The following DBN1 variants were observed in gnomAD, a reference collection of about 807,000 sequenced individuals.
DBN1 encodes drebrin 1.
In DBN1, 21 loss-of-function variants were observed where a neutral mutation model predicts 83.5. That is an observed-to-expected ratio of 0.25 (90% CI 0.18 to 0.36). DBN1 has a LOEUF of 0.36. Among genes scored for constraint, DBN1 ranks in the 10% least tolerant of loss-of-function variants. The pLI is 1.00. For missense variants in DBN1, 874 were observed against 935.7 expected, an observed-to-expected ratio of 0.93 and a Z score of 0.86; for synonymous variants, 381 against 384.9, an observed-to-expected ratio of 0.99 and a Z score of 0.12.
chr5:177,472,098 C>A (rs1757886353), intron 1 of DBN1: 1 of 1,598,834 alleles, frequency 6.3e-7, no homozygotes, highest in African/African-American at 1.4e-5. Context: ...TGAGCCTGTG[C>A]CGGCCTCTCC....
chr5:177,460,711 C>G lies in DBN1; in HGVS notation c.772-8G>C, dbSNP rs767952528. 1.2e-6 allele frequency: 2 copies of G among 1,613,648 alleles called. No individual in the cohort carries two copies. The highest frequency in any genetic ancestry group is 8.5e-7 in the Non-Finnish European group (1 of 1,179,886). ...CTCATCCCGATGGTCACCCTAGAAA[C>G]CAAAGGGACAGTGTCTGGTGCACCT... On this transcript the variant is annotated splice_polypyrimidine_tract_variant and splice_region_variant and intron_variant, in intron 8 of 14. Transcript: ENST00000393565.
In DBN1 at chr5:177,467,700, G is replaced by C; in HGVS notation, c.330+43C>G. 6.4e-7 allele frequency: 1 copy of C among 1,553,068 alleles called. No homozygotes were observed. Among genetic ancestry groups the C allele is most frequent in the Non-Finnish European group, 8.7e-7 (1 of 1,148,162 alleles). On this transcript the variant is annotated intron_variant, in intron 4 of 14. Transcript: ENST00000393565. This position sits in a 1 kb window ranked among gnomAD's most constrained non-coding sequence, Gnocchi z 9.1. ...TCCCCACCCCAGCACGCAGACCCTG[G>C]TGGCTGTCCCCACCCCCAAGAGCGC... is the stretch of plus-strand genomic sequence containing the variant.
At chr5:177,468,478 C>G (rs1479955939) in intron 2 of DBN1, 1 of 553,704 alleles carries the variant, frequency 1.8e-6, no homozygotes, top group African/African-American at 1.9e-5. Flanking sequence ...ACACTCAGGT[C>G]TCATTCTTCA....
intron 8 of DBN1, chr5:177,462,405 G>C (rs1260761190): frequency 1.0e-6 from 1 of 985,342 alleles, no homozygotes; most frequent in Non-Finnish European, 1.2e-6. Context: ...CTGCTTCCTG[G>C]GGAAGGACCT....
intron 12 of DBN1, 86 bp downstream of exon 12, chr5:177,459,012 C>A: frequency 5.2e-6 from 8 of 1,530,990 alleles, no homozygotes; most frequent in African/African-American, 1.4e-5. Flanking sequence ...GCCCAGATCC[C>A]TGGAGAACGG....
rs1430963683 is a variant in DBN1, at chr5:177,467,729, C to A, written c.330+14G>T. ...CTGTCCCCACCCCCAAGAGCGCTGG[C>A]CCCTGACACGCACCTGGAAGAACTC... On this transcript the variant is annotated intron_variant, in intron 4 of 14. Transcript: ENST00000393565. This position sits in a 1 kb window ranked among gnomAD's most constrained non-coding sequence, Gnocchi z 9.1. 6.4e-7 allele frequency: 1 copy of A among 1,552,632 alleles called. No individual in the cohort carries two copies. The highest frequency in any genetic ancestry group is 1.2e-5 in the South Asian group (1 of 84,354).
rs753400993 is a variant in DBN1 at position 177,467,069 on chromosome 5, GC to G, written c.556-8del. ...TCCGCAGCTCTTCTTCCTTCTGCAA[GC>G]CCCGGTGCGAACAAGGGTAGGCCCC... On this transcript the variant is annotated splice_polypyrimidine_tract_variant and splice_region_variant and intron_variant, in intron 6 of 14. Transcript: ENST00000393565. The surrounding 1 kb of genome is among the most constrained non-coding windows in gnomAD (Gnocchi z 9.1). 7 of 1,613,522 alleles carry G rather than the reference GC, an allele frequency of 4.3e-6. 1 individual carries two copies. The South Asian group carries it at 7.7e-5, about 18-fold the overall frequency.
intron 1 of DBN1, chr5:177,472,684 G>A (rs1277222817): frequency 4.6e-6 from 3 of 654,346 alleles, no homozygotes; most frequent in African/African-American, 4.0e-5. Flanking sequence ...CTTCCTCCCA[G>A]GGATCTCAGC....
At chr5:177,472,119 C>G (rs756635604) in intron 1 of DBN1, 1 of 1,608,422 alleles carries the variant, frequency 6.2e-7, no homozygotes, top group Non-Finnish European at 8.5e-7. Flanking sequence ...TGTGACTGAC[C>G]TGCAGGACAC....
chr5:177,472,547 G>A (rs761868830), intron 1 of DBN1: 5 of 615,718 alleles, frequency 8.1e-6, no homozygotes, highest in Non-Finnish European at 1.1e-5. Flanking sequence ...AACAGCTGGG[G>A]GGCGGGGTGA....
At chr5:177,468,626 A>G (rs1383250843) in intron 2 of DBN1, 2 of 427,406 alleles carry the variant, frequency 4.7e-6, no homozygotes, top group Non-Finnish European at 4.1e-6. Context: ...TCCCTGTTGG[A>G]GGCTCAGCCT....
At position 177,463,182 on chromosome 5, in the gene DBN1, G is replaced by A. The variant is rs185090079; in HGVS notation, c.772-2479C>T. 1.4e-3 allele frequency among the ~76,000 whole-genome samples: 214 copies of A among 152,196 alleles called. 1 individual carries two copies. The highest frequency in any genetic ancestry group is 4.3e-3 in the African/African-American group (177 of 41,510). On this transcript the variant is annotated intron_variant, in intron 8 of 14. Coordinates refer to ENST00000393565, the MANE Select transcript of DBN1 (RefSeq NM_001363541.2). ...CTCCCGAGTAGCTGGGACTACAGGC[G>A]CCCGCCACCACGCTCGGCTAATTTC... is the stretch of plus-strand genomic sequence containing the variant.
Position 177,466,710 on chromosome 5 carries a change from G to C in DBN1, c.771+62C>G. On this transcript the variant is annotated intron_variant, in intron 8 of 14. Coordinates refer to ENST00000393565, the MANE Select transcript of DBN1 (RefSeq NM_001363541.2). This position sits in a 1 kb window ranked among gnomAD's most constrained non-coding sequence, Gnocchi z 4.8. ...CCACTGATCTCCCCACAAGGCCCAG[G>C]AACACAGGGACCATTCTCACTTCCC... 1.3e-6 allele frequency: 2 copies of C among 1,581,284 alleles called. No individual in the cohort carries two copies. Among genetic ancestry groups the C allele is most frequent in the South Asian group, 2.2e-5 (2 of 90,384 alleles).
At chr5:177,469,537 C>T (rs1757700043) in intron 1 of DBN1, among the ~76,000 whole-genome samples, 1 of 152,210 alleles carries the variant, frequency 6.6e-6, no homozygotes, top group Non-Finnish European at 1.5e-5. Context: ...AGACTCTGGC[C>T]CCGGGGTGGC....
At chr5:177,464,134 A>AAAATAAAT (rs769085289) in intron 8 of DBN1, among the ~76,000 whole-genome samples, 6 of 151,028 alleles carry the variant, frequency 4.0e-5, no homozygotes, top group African/African-American at 9.7e-5. Flanking sequence ...TAAATAAATA[A>AAAATAAAT]AAATAAATAA....
intron 1 of DBN1, 31 bp from the exon 2 acceptor site, chr5:177,468,930 G>T: frequency 7.7e-7 from 1 of 1,305,868 alleles, no homozygotes; most frequent in Middle Eastern, 2.0e-4. Context: ...CTGTCAAACT[G>T]TCAGGGCCCA....
intron 2 of DBN1, 86 bp from the exon 3 acceptor site, chr5:177,468,306 A>T: frequency 8.8e-7 from 1 of 1,139,074 alleles, no homozygotes; most frequent in Admixed American, 1.8e-5. Context: ...AGACTCCTCC[A>T]GGCCTCCACA....
rs1471374206 is a variant in DBN1 at position 177,459,143 on chromosome 5, A to T, written c.1219T>A (p.Ser407Thr). The change falls in exon 12 of 15, where the codon TCC becomes ACC. Residue 407 changes from serine to threonine, a missense_variant. Ser to Thr is a moderately conservative substitution (Grantham distance 58). This residue lies in a region of DBN1 where 725 missense variants were observed against 719.7 expected (regional missense o/e 1.01). Transcript: ENST00000393565. ...GGTGGCAGTGGTGGAGGCTGCGAGG[A>T]GGTGACCTCATCCAGGGCCCGCTCT... Reference protein sequence around the residue: ...QIERALDEVTSSQPPPLPPPP... With the variant: ...QIERALDEVTTSQPPPLPPPP... 2.5e-6 allele frequency: 4 copies of T among 1,610,862 alleles called. No homozygotes were observed. The highest frequency in any genetic ancestry group is 2.2e-5 in the South Asian group (2 of 90,900).
chr5:177,465,091 G>T (rs771143529), intron 8 of DBN1, among the ~76,000 whole-genome samples: 1 of 152,120 alleles, frequency 6.6e-6, no homozygotes, highest in East Asian at 1.9e-4. Flanking sequence ...AGGCGGAGCT[G>T]GCAGTGAGCT....
Sources: allele counts gnomAD v4.1 joint callset (sites outside exome capture counted in the v4.1 genomes callset), GRCh38; gene constraint gnomAD v4.1.1; regional missense constraint gnomAD v4.1.1; non-coding constraint Gnocchi (gnomAD v3.1); transcripts MANE v1.5; gene names NCBI Gene and HGNC (gene_info 2026-07-23, HGNC 2026-07-21).